Variants in WWP1 observed in about 807,000 individuals in gnomAD.
WWP1 encodes the protein WW domain containing E3 ubiquitin protein ligase 1.
A neutral mutation model predicts 130.6 loss-of-function variants in WWP1; 49 were observed. The ratio of observed to expected loss-of-function variants is 0.38; its 90% CI spans 0.30 to 0.48. The LOEUF is 0.48. Ranked by LOEUF, WWP1 falls within the 20% of genes least tolerant of loss-of-function variation. WWP1 has a pLI of 0.99. For missense variants in WWP1, 809 were observed against 1,100.6 expected (o/e 0.74, Z 3.75); for synonymous variants, 332 against 367.8 (o/e 0.90, Z 1.11).
Position 86,407,695 on chromosome 8 carries a change from A to G in WWP1, c.725-3843A>G, listed in dbSNP as rs543811993. ...GAACCAACATTTGTTGAATTATTGA[A>G]TAGAAATAATTTGTTTCTAAGAGTT... On this transcript the variant is annotated intron_variant, in intron 8 of 24. Transcript: ENST00000517970. Among the ~76,000 whole-genome samples, 6 of 152,348 alleles carry G rather than the reference A, an allele frequency of 3.9e-5. No individual in the cohort carries two copies. In the East Asian group the frequency reaches 1.2e-3, roughly 29 times the overall value.
At chr8:86,430,673 C>A in intron 11 of WWP1, 24 bp from the exon 12 acceptor site, 1 of 1,572,936 alleles carries the variant, frequency 6.4e-7, no homozygotes, top group Non-Finnish European at 8.6e-7. Context: ...TTTTATTTCT[C>A]TCCCTAATCT....
intron 9 of WWP1, 62 bp downstream of exon 9, chr8:86,411,936 A>G: frequency 7.1e-7 from 1 of 1,407,358 alleles, no homozygotes; most frequent in Non-Finnish European, 9.7e-7. Flanking sequence ...ACATACGATT[A>G]TTGAATGTGT....
chr8:86,409,300 C>T (rs574421278), intron 8 of WWP1, among the ~76,000 whole-genome samples: 1 of 137,310 alleles, frequency 7.3e-6, no homozygotes, highest in Admixed American at 7.7e-5. Flanking sequence ...GTGGCGTGAT[C>T]CTGGCTCACT....
At chr8:86,376,723 A>G (rs1161529860) in intron 3 of WWP1, among the ~76,000 whole-genome samples, 1 of 152,212 alleles carries the variant, frequency 6.6e-6, no homozygotes, top group African/African-American at 2.4e-5. Context: ...AGCCAAAACA[A>G]TGCCATGACA....
In WWP1 at chr8:86,412,978, G is replaced by A. The variant is rs184506885; in HGVS notation, c.1061+1104G>A. On this transcript the variant is annotated intron_variant, in intron 9 of 24. Transcript: ENST00000517970. ...CAAGTGGCTGGGATTAGAGGCACCCGCCACTATGCCCAGCTAATTTTTGTA... is the reference window on the plus strand; with the variant it reads ...CAAGTGGCTGGGATTAGAGGCACCCACCACTATGCCCAGCTAATTTTTGTA... Among the ~76,000 whole-genome samples, 749 of 152,180 alleles carry A rather than the reference G, an allele frequency of 4.9e-3. 7 individuals are homozygous for A. The highest frequency in any genetic ancestry group is 0.017 in the African/African-American group (702 of 41,530).
chr8:86,387,736 C>G (rs1425247144), intron 5 of WWP1, among the ~76,000 whole-genome samples: 2 of 152,132 alleles, frequency 1.3e-5, no homozygotes, highest in African/African-American at 4.8e-5. Context: ...GTTAGCCAGA[C>G]TGGTCTCGAA....
chr8:86,360,971 A>T (rs762262756), intron 1 of WWP1, among the ~76,000 whole-genome samples: 6 of 152,184 alleles, frequency 3.9e-5, no homozygotes, highest in Non-Finnish European at 8.8e-5. Context: ...ATTCAGGGTA[A>T]TTAGGTTGAG....
At chr8:86,363,758 T>G (rs1823803484) in intron 1 of WWP1, among the ~76,000 whole-genome samples, 1 of 145,060 alleles carries the variant, frequency 6.9e-6, no homozygotes, top group African/African-American at 2.6e-5. Context: ...ATCGCACCAC[T>G]GTACTCAGCC....
At chr8:86,435,325 C>A in intron 14 of WWP1, 127 bp from the exon 15 acceptor site, 1 of 943,950 alleles carries the variant, frequency 1.1e-6, no homozygotes, top group Non-Finnish European at 1.6e-6. Flanking sequence ...TGTATGTATA[C>A]CCTTCTCTCC....
intron 22 of WWP1, among the ~76,000 whole-genome samples, chr8:86,460,478 CAT>C (rs1586515113): frequency 6.6e-6 from 1 of 152,170 alleles, no homozygotes; most frequent in African/African-American, 2.4e-5. Flanking sequence ...CTACCTATCT[CAT>C]AGAATTGTTG....
intron 24 of WWP1, among the ~76,000 whole-genome samples, chr8:86,463,637 T>C (rs1811885756): frequency 6.6e-6 from 1 of 152,016 alleles, no homozygotes. Context: ...TGTGATTTTT[T>C]TTTCTATTAT....
intron 1 of WWP1, among the ~76,000 whole-genome samples, chr8:86,362,366 T>TAA (rs1823718697): frequency 6.6e-6 from 1 of 151,316 alleles, no homozygotes; most frequent in African/African-American, 2.4e-5. Context: ...ACATCAGTGT[T>TAA]TATTGAGTGA....
intron 8 of WWP1, 24 bp from the exon 9 acceptor site, chr8:86,411,514 A>T (rs1808583507): frequency 1.9e-6 from 3 of 1,588,478 alleles, no homozygotes; most frequent in Non-Finnish European, 2.6e-6. Context: ...TTGATAGATG[A>T]TTTTATTAAT....
intron 1 of WWP1, among the ~76,000 whole-genome samples, chr8:86,345,250 A>G (rs1822505798): frequency 6.6e-6 from 1 of 152,196 alleles, no homozygotes; most frequent in Non-Finnish European, 1.5e-5. Context: ...CCCTCAGCAT[A>G]TGTGTGCTAC....
chr8:86,390,793 A>G lies in WWP1; in HGVS notation c.335-7549A>G, dbSNP rs78937287. The stretch of plus-strand genomic sequence containing the variant: ...TGGTTTCTGACCACTCCCCCATTCT[A>G]CCATAGTAGGAACCCAATAGTCTAC... On this transcript the variant is annotated intron_variant, in intron 5 of 24. Coordinates refer to ENST00000517970, the MANE Select transcript of WWP1 (RefSeq NM_007013.4). Among the ~76,000 whole-genome samples, 492 of 152,196 alleles carry G rather than the reference A, an allele frequency of 3.2e-3. 3 individuals carry two copies. Among genetic ancestry groups the G allele is most frequent in the African/African-American group, 0.011 (467 of 41,510 alleles).
chr8:86,387,695 G>A (rs1025149343), intron 5 of WWP1, among the ~76,000 whole-genome samples: 5 of 151,862 alleles, frequency 3.3e-5, no homozygotes, highest in Non-Finnish European at 7.4e-5. Context: ...GCTCATTTTT[G>A]TATTTTTTGG....
chr8:86,350,446 A>G (rs911633577), intron 1 of WWP1, among the ~76,000 whole-genome samples: 1 of 152,194 alleles, frequency 6.6e-6, no homozygotes, highest in Non-Finnish European at 1.5e-5. Context: ...GAAGCATTTC[A>G]TGTACACTAA....
In WWP1 at chr8:86,468,198, G is replaced by T; in HGVS notation, c.*1305G>T. ...AACTTAAACATTTTTTAATAGCCAT[G>T]GAACTGACTTCTTAAAATCTGTTGC... is the stretch of plus-strand genomic sequence containing the variant. On this transcript the variant is annotated 3_prime_UTR_variant, in exon 25 of 25. Transcript: ENST00000517970. 1 of 254,946 alleles carries T rather than the reference G, an allele frequency of 3.9e-6. No individual in the cohort carries two copies. The highest frequency in any genetic ancestry group is 4.3e-5 in the South Asian group (1 of 23,452). The allele number at this position is 254,946 out of a possible 1,614,324, so 15.8% of individuals were successfully genotyped here. A position where few individuals can be genotyped will look rare whatever the true frequency, so the allele number is the denominator to read the frequency against.
At chr8:86,438,998 T>C (rs933835825) in intron 17 of WWP1, among the ~76,000 whole-genome samples, 1 of 152,222 alleles carries the variant, frequency 6.6e-6, no homozygotes, top group Non-Finnish European at 1.5e-5. Context: ...TATGTTAGCA[T>C]ATATACAGTG....
Sources: gnomAD v4.1 joint callset for allele counts (sites outside exome capture counted in the v4.1 genomes callset) on GRCh38, gnomAD v4.1.1 for gene constraint, MANE v1.5 for transcripts, NCBI Gene and HGNC (gene_info 2026-07-23, HGNC 2026-07-21) for gene names.